The following RAD51B variants were observed in gnomAD, a reference collection of about 807,000 sequenced individuals.
The protein encoded by RAD51B is RAD51 paralog B, also known as DNA repair protein RAD51 homolog 2.
Under a neutral mutation model 42.2 loss-of-function variants are expected in RAD51B, and 38 were observed. That is an observed-to-expected ratio of 0.90 (90% CI 0.70 to 1.18). The LOEUF (loss-of-function observed/expected upper bound fraction) is 1.18. RAD51B is among the 50% of genes most tolerant of loss of function. The probability of loss-of-function intolerance (pLI) is 0.00; values close to 1 mark genes in which losing one functional copy is unlikely to be tolerated. For missense variants in RAD51B, 373 were observed against 400.7 expected (o/e 0.93, Z 0.59); for synonymous variants, 154 against 145.2 (o/e 1.06, Z -0.43).
intron 7 of RAD51B, among the ~76,000 whole-genome samples, chr14:68,044,352 G>A (rs776207160): frequency 5.9e-5 from 9 of 152,048 alleles, no homozygotes; most frequent in Non-Finnish European, 1.2e-4. Context: ...CAAATAGTGG[G>A]GTGAATAAGT....
intron 7 of RAD51B, among the ~76,000 whole-genome samples, chr14:68,051,905 G>T (rs2076399919): frequency 1.3e-5 from 2 of 151,166 alleles, no homozygotes; most frequent in South Asian, 4.2e-4. Flanking sequence ...TGTGTAAAAT[G>T]CAGTGTTTTT....
intron 4 of RAD51B, among the ~76,000 whole-genome samples, chr14:67,845,545 G>C (rs969949185): frequency 1.3e-5 from 2 of 152,104 alleles, no homozygotes; most frequent in Admixed American, 6.5e-5. Flanking sequence ...GCATGTGCCT[G>C]TAGTCCCAGC....
intron 7 of RAD51B, among the ~76,000 whole-genome samples, chr14:68,044,757 C>A (rs1050870869): frequency 2.0e-4 from 30 of 152,120 alleles, no homozygotes; most frequent in African/African-American, 6.7e-4. Context: ...CCCCCGCCCC[C>A]AACCTTGTCT....
Position 68,581,817 on chromosome 14 carries a change from C to A in RAD51B, c.1037-12668C>A, listed in dbSNP as rs192365100. On this transcript the variant is annotated intron_variant, in intron 10 of 10. Transcript: ENST00000487270. ...ACTAGTACCAAAACAGATACATAGA[C>A]AAATGGAACAGAACAGAGGCCTCAG... Among the ~76,000 whole-genome samples, 122 of 152,250 alleles carry A rather than the reference C, an allele frequency of 8.0e-4. 1 individual carries two copies. The highest frequency in any genetic ancestry group is 8.0e-3 in the Admixed American group (122 of 15,292).
chr14:68,433,730 G>T (rs1181344815), intron 9 of RAD51B, among the ~76,000 whole-genome samples: 1 of 152,204 alleles, frequency 6.6e-6, no homozygotes, highest in Non-Finnish European at 1.5e-5. Flanking sequence ...ATCATCTGAA[G>T]CCTTCTTCTC....
In RAD51B at chr14:68,000,737, T is replaced by C. The variant is rs2075466286; in HGVS notation, c.756+113533T>C. 2.0e-5 allele frequency among the ~76,000 whole-genome samples: 3 copies of C among 152,180 alleles called. No homozygotes were observed. The South Asian group carries it at 6.2e-4, about 31-fold the overall frequency. ...AAATAAGCCTCATGGAGAAGGGCTA[T>C]TATCCCTGAAAATGATGAGACCGGA... On this transcript the variant is annotated intron_variant, in intron 7 of 10. Transcript: ENST00000471583.
At chr14:68,248,993 C>A (rs866243064) in intron 7 of RAD51B, among the ~76,000 whole-genome samples, 2 of 152,236 alleles carry the variant, frequency 1.3e-5, no homozygotes, top group Non-Finnish European at 2.9e-5. Flanking sequence ...TGGCACCAGG[C>A]CCTCTGGCAG....
intron 7 of RAD51B, among the ~76,000 whole-genome samples, chr14:68,072,107 A>G (rs1156271182): frequency 7.3e-6 from 1 of 137,102 alleles, no homozygotes; most frequent in Non-Finnish European, 1.5e-5. Context: ...TATATAAAAT[A>G]TAAAAAATAT....
At chr14:67,844,626 T>A (rs10141589) in intron 4 of RAD51B, among the ~76,000 whole-genome samples, 44,345 of 147,352 alleles carry the variant, frequency 0.3, 7,034 homozygotes, top group Middle Eastern at 0.39. Context: ...ATATATATAT[T>A]TTTTTTATTA....
chr14:68,199,012 C>T (rs2079429788), intron 7 of RAD51B, among the ~76,000 whole-genome samples: 1 of 152,236 alleles, frequency 6.6e-6, no homozygotes, highest in Admixed American at 6.5e-5. Context: ...CTCTCTCCTA[C>T]AGAGTACCCT....
intron 11 of RAD51B, among the ~76,000 whole-genome samples, chr14:68,682,127 G>A (rs1449628260): frequency 6.6e-6 from 1 of 152,022 alleles, no homozygotes; most frequent in Non-Finnish European, 1.5e-5. Context: ...CAGCCTAGAG[G>A]GAAGGGGACA....
chr14:68,585,405 A>C (rs959644439), intron 10 of RAD51B, among the ~76,000 whole-genome samples: 1 of 152,144 alleles, frequency 6.6e-6, no homozygotes, highest in Admixed American at 6.5e-5. Flanking sequence ...GTTCTTAGCG[A>C]GTCTCCCCTC....
chr14:68,025,104 C>T (rs2075931381), intron 7 of RAD51B, among the ~76,000 whole-genome samples: 1 of 151,424 alleles, frequency 6.6e-6, no homozygotes. Flanking sequence ...CTATTATGAT[C>T]ATATTTTTTG....
At chr14:68,613,525 C>T (rs1272645805), downstream of RAD51B, among the ~76,000 whole-genome samples, 1 of 151,094 alleles carries the variant, frequency 6.6e-6, no homozygotes, top group African/African-American at 2.4e-5. Flanking sequence ...ACGATCTCAG[C>T]TCACTGCAAG....
At chr14:68,335,341 T>C (rs2082434529) in intron 8 of RAD51B, among the ~76,000 whole-genome samples, 1 of 151,452 alleles carries the variant, frequency 6.6e-6, no homozygotes, top group African/African-American at 2.4e-5. Context: ...AGAAAATATG[T>C]TATATTTTTC....
At chr14:68,386,749 T>C (rs576965530) in intron 8 of RAD51B, among the ~76,000 whole-genome samples, 1 of 152,248 alleles carries the variant, frequency 6.6e-6, no homozygotes, top group South Asian at 2.1e-4. Flanking sequence ...TTCTTCCCAG[T>C]CCCAGGAGGG....
intron 11 of RAD51B, among the ~76,000 whole-genome samples, chr14:68,679,968 A>G (rs1893392225): frequency 6.6e-6 from 1 of 152,268 alleles, no homozygotes. Flanking sequence ...TACATCTACA[A>G]TAATAAGTAA....
At chr14:68,065,041 T>G (rs540919228) in intron 7 of RAD51B, among the ~76,000 whole-genome samples, 1 of 152,360 alleles carries the variant, frequency 6.6e-6, no homozygotes, top group South Asian at 2.1e-4. Context: ...CTTTTCATCT[T>G]GGATCCCTGT....
At chr14:68,683,079 A>T (rs1893470969) in intron 11 of RAD51B, 1 of 506,890 alleles carries the variant, frequency 2.0e-6, no homozygotes, top group South Asian at 8.9e-5. Flanking sequence ...GTCAGAAAAA[A>T]AATGGGGCCT....
Sources: allele counts gnomAD v4.1 joint callset (sites outside exome capture counted in the v4.1 genomes callset), GRCh38; gene constraint gnomAD v4.1.1; transcripts MANE v1.5; gene names NCBI Gene and HGNC (gene_info 2026-07-23, HGNC 2026-07-21).